Variants in CD3G observed in about 807,000 individuals in gnomAD.
CD3G encodes T-cell surface glycoprotein CD3 gamma chain.
CD3G carries 24 observed loss-of-function variants against 28.3 expected under a neutral mutation model. The ratio of observed to expected loss-of-function variants is 0.85; its 90% CI spans 0.61 to 1.19. CD3G has a LOEUF of 1.19. Among genes scored for constraint, CD3G ranks in the 50% most tolerant of loss-of-function variants. The pLI, the probability that CD3G is intolerant of heterozygous loss-of-function variation, is 0.00. For synonymous variants in CD3G, 71 were observed against 75.9 expected, an observed-to-expected ratio of 0.93 and a Z score of 0.34; for missense variants, 211 against 210.0, an observed-to-expected ratio of 1.00 and a Z score of -0.03.
At chr11:118,351,525 G>A in intron 4 of CD3G, 103 bp from the exon 5 acceptor site, 1 of 1,032,380 alleles carries the variant, frequency 9.7e-7, no homozygotes, top group Non-Finnish European at 1.5e-6. Flanking sequence ...ATACTCTTGT[G>A]TATATATAAA....
Position 118,350,683 on chromosome 11 carries a change from G to A in CD3G, c.439G>A (p.Ala147Thr), listed in dbSNP as rs1352779607. 1.2e-6 allele frequency: 2 copies of A among 1,613,690 alleles called. No homozygotes were observed. Among genetic ancestry groups the A allele is most frequent in the South Asian group, 2.2e-5 (2 of 91,024 alleles). ...ACAGGATGGAGTTCGCCAGTCGAGA[G>A]GTAAAAGAATGCTCTTAGATGAGAG... ...AGQDGVRQSRASDKQTLLPND... is the reference protein window; with the variant it reads ...AGQDGVRQSRTSDKQTLLPND... Residue 147 changes from alanine to threonine, a missense_variant and splice_region_variant, in exon 4 of 7, where the codon GCT becomes ACT. By Grantham distance (58) the Ala-to-Thr change is moderately conservative. Transcript: ENST00000532917.
rs60810919 is a variant in CD3G at position 118,344,360 on chromosome 11, A to AGGCT, written c.-46_-43dup. 7.2e-7 allele frequency: 1 copy of AGGCT among 1,389,636 alleles called. No individual in the cohort carries two copies. 86.1% of individuals were successfully genotyped at this position (1,389,636 alleles called of 1,614,324 possible). A position where few individuals can be genotyped will look rare whatever the true frequency, so the allele number is the denominator to read the frequency against. On this transcript the variant is annotated 5_prime_UTR_variant, in exon 1 of 7. Coordinates refer to ENST00000532917, the MANE Select transcript of CD3G (RefSeq NM_000073.3). ...GGTGGAGCCAGTCTAGCTGCTGCAC[A>AGGCT]GGCTGGCTGGCTGGCTGGCTGCTAA...
In CD3G at chr11:118,347,487, T is replaced by C. The variant is rs188515578; in HGVS notation, c.56-1540T>C. Among the ~76,000 whole-genome samples, 10 of 152,348 alleles carry C rather than the reference T, an allele frequency of 6.6e-5. No individual in the cohort carries two copies. The East Asian group carries it at 7.7e-4, about 12-fold the overall frequency. On this transcript the variant is annotated intron_variant, in intron 1 of 6. Transcript: ENST00000532917. ...TTGATTCTTCATATCAGCACTCTTT[T>C]CTTTCATAATATCTAATTATTTTAG...
At chr11:118,350,905 A>AAC in intron 4 of CD3G, 3 of 1,280,804 alleles carry the variant, frequency 2.3e-6, no homozygotes, top group Non-Finnish European at 2.0e-6. Context: ...AAAAAAAAAC[A>AAC]AAAACAGGCG....
At chr11:118,350,837 A>G in intron 4 of CD3G, 154 bp downstream of exon 4, 1 of 1,478,972 alleles carries the variant, frequency 6.8e-7, no homozygotes, top group East Asian at 2.9e-5. Context: ...GAGAAAGGAT[A>G]CTTGGTGTTA....
chr11:118,350,757 A>G, intron 4 of CD3G, 74 bp downstream of exon 4: 1 of 1,610,642 alleles, frequency 6.2e-7, no homozygotes, highest in Admixed American at 1.7e-5. Flanking sequence ...TATGTACCCA[A>G]TGGAAGAGAC....
At chr11:118,350,458 C>T in intron 3 of CD3G, 94 bp from the exon 4 acceptor site, 1 of 914,380 alleles carries the variant, frequency 1.1e-6, no homozygotes, top group Non-Finnish European at 1.8e-6. Context: ...GCCTGCTGCC[C>T]TCCACAGCGG....
In CD3G at chr11:118,349,436, T is replaced by C. The variant is rs1428938280; in HGVS notation, c.80-307T>C. ...GGTATGCTGTTAGCAGTTTCTTACC[T>C]GTATAGTATCTTCCAAATAACATGC... is the stretch of plus-strand genomic sequence containing the variant. On this transcript the variant is annotated intron_variant, in intron 2 of 6. Coordinates refer to ENST00000532917, the MANE Select transcript of CD3G (RefSeq NM_000073.3). 3.4e-5 allele frequency: 23 copies of C among 679,356 alleles called. No individual in the cohort carries two copies. The East Asian group carries it at 6.5e-4, about 19-fold the overall frequency. The allele number at this position is 679,356 out of a possible 1,614,324, so 42.1% of individuals were successfully genotyped here.
chr11:118,350,394 G>A (rs1343274262), intron 3 of CD3G, among the ~76,000 whole-genome samples, 158 bp from the exon 4 acceptor site: 1 of 152,146 alleles, frequency 6.6e-6, no homozygotes, highest in African/African-American at 2.4e-5. Flanking sequence ...GCATCAAGAT[G>A]CATTGAGTTT....
At chr11:118,351,048 C>A (rs546958326) in intron 4 of CD3G, 2 of 313,372 alleles carry the variant, frequency 6.4e-6, no homozygotes, top group African/African-American at 2.2e-5. Flanking sequence ...ATTAGCCGGG[C>A]GTGGTGGCGG....
At chr11:118,349,453 A>ATGT in intron 2 of CD3G, 1 of 647,982 alleles carries the variant, frequency 1.5e-6, no homozygotes, top group Non-Finnish European at 2.5e-6. Flanking sequence ...TATCTTCCAA[A>ATGT]TAACATGCCC....
At chr11:118,350,340 G>A in intron 3 of CD3G, 4 of 612,990 alleles carry the variant, frequency 6.5e-6, no homozygotes, top group Non-Finnish European at 1.2e-5. Context: ...CTTCCTGGTA[G>A]TTAGACTACA....
At chr11:118,349,162 G>A (rs997759149) in intron 2 of CD3G, 112 bp downstream of exon 2, 11 of 1,609,478 alleles carry the variant, frequency 6.8e-6, no homozygotes, top group Middle Eastern at 1.7e-4. Flanking sequence ...GAAATGACGG[G>A]GATAGAGAGG....
intron 1 of CD3G, among the ~76,000 whole-genome samples, chr11:118,347,203 G>A (rs1473468158): frequency 6.6e-6 from 1 of 152,242 alleles, no homozygotes; most frequent in East Asian, 1.9e-4. Flanking sequence ...TTCCAAAGCT[G>A]CATCTTATTC....
chr11:118,345,850 A>G (rs1406608516), intron 1 of CD3G, among the ~76,000 whole-genome samples: 4 of 152,238 alleles, frequency 2.6e-5, no homozygotes, highest in African/African-American at 7.2e-5. Context: ...GTGGGAGGCA[A>G]TGCCACCTGC....
Position 118,352,482 on chromosome 11 carries a change from G to T in CD3G, c.*13G>T. On this transcript the variant is annotated 3_prime_UTR_variant, in exon 6 of 7. Transcript: ENST00000532917. Reference sequence around the variant, plus strand: ...GAGGAGGAATTGAACTCAGGACTCAGAGTAGGTGGGTTCTTCAATGCCAAT... The same window carrying T: ...GAGGAGGAATTGAACTCAGGACTCATAGTAGGTGGGTTCTTCAATGCCAAT... 6.2e-7 allele frequency: 1 copy of T among 1,609,230 alleles called. No individual in the cohort carries two copies. Among genetic ancestry groups the T allele is most frequent in the South Asian group, 1.1e-5 (1 of 90,996 alleles).
At chr11:118,348,897 G>T (rs1948380585) in intron 1 of CD3G, 130 bp from the exon 2 acceptor site, 1 of 1,023,614 alleles carries the variant, frequency 9.8e-7, no homozygotes, top group African/African-American at 1.6e-5. Flanking sequence ...GGAAAACTAA[G>T]TATAGATACT....
At chr11:118,344,826 C>A (rs540339602) in intron 1 of CD3G, among the ~76,000 whole-genome samples, 1 of 152,340 alleles carries the variant, frequency 6.6e-6, no homozygotes, top group African/African-American at 2.4e-5. Context: ...TGGGGGCTAG[C>A]AGTCGACCTA....
At chr11:118,344,621 C>T in intron 1 of CD3G, 143 bp downstream of exon 1, 2 of 727,694 alleles carry the variant, frequency 2.7e-6, no homozygotes, top group East Asian at 2.7e-5. Context: ...AAAATGGAGG[C>T]TCTTAACTGT....
Sources: gnomAD v4.1 joint callset for allele counts (sites outside exome capture counted in the v4.1 genomes callset) on GRCh38, gnomAD v4.1.1 for gene constraint, MANE v1.5 for transcripts, NCBI Gene and HGNC (gene_info 2026-07-23, HGNC 2026-07-21) for gene names.